The following PDCD5 variants were observed in gnomAD, a reference collection of about 807,000 sequenced individuals.
The protein encoded by PDCD5 is programmed cell death protein 5.
In PDCD5, 23 loss-of-function variants were observed where a neutral mutation model predicts 21.9. The ratio of observed to expected loss-of-function variants is 1.05; its 90% confidence interval spans 0.76 to 1.49. PDCD5 has a LOEUF of 1.49. PDCD5 is among the 40% of genes most tolerant of loss of function. The pLI is 0.00. For synonymous variants in PDCD5, 45 were observed against 49.4 expected (o/e 0.91, Z 0.37); for missense variants, 152 against 147.7 (o/e 1.03, Z -0.15).
chr19:32,583,784 T>C (rs1971452006), intron 2 of PDCD5, among the ~76,000 whole-genome samples: 1 of 152,080 alleles, frequency 6.6e-6, no homozygotes, highest in Non-Finnish European at 1.5e-5. Context: ...TGCAGTGAGC[T>C]GTGATTGCAC....
chr19:32,581,761 C>A (rs999122683), intron 1 of PDCD5: 2 of 211,586 alleles, frequency 9.5e-6, no homozygotes, highest in African/African-American at 2.3e-5. Context: ...GGAACGCTTG[C>A]CCCGCCGGGA....
At chr19:32,585,335 G>A (rs1015837489) in intron 3 of PDCD5, among the ~76,000 whole-genome samples, 4 of 151,864 alleles carry the variant, frequency 2.6e-5, no homozygotes, top group Non-Finnish European at 4.4e-5. Flanking sequence ...GGGGGACTTA[G>A]GGGCTTTTTA....
intron 1 of PDCD5, chr19:32,581,704 T>G (rs1971427918): frequency 4.7e-6 from 1 of 211,038 alleles, no homozygotes; most frequent in East Asian, 1.2e-4. Flanking sequence ...CCGACAGGTA[T>G]TGAGGGTCCG....
In PDCD5 at chr19:32,581,287, T is replaced by A; in HGVS notation, c.26T>A (p.Leu9Gln). MADEELEA[L>Q]RRQRLAELQA... is the part of the protein sequence containing the mutation. ...ATGGCGGACGAGGAGCTTGAGGCGC[T>A]GAGGAGACAGAGGCTGGCCGAGCTG... The change falls in exon 1 of 6, where the codon CTG becomes CAG. Residue 9 changes from leucine (L) to glutamine (Q), a missense_variant. Coordinates refer to ENST00000590247, the MANE Select transcript of PDCD5 (RefSeq NM_004708.4). 1 of 1,531,036 alleles carries A rather than the reference T, an allele frequency of 6.5e-7. No homozygotes were observed. The highest frequency in any genetic ancestry group is 2.0e-5 in the Admixed American group (1 of 50,488). The allele number at this position is 1,531,036 out of a possible 1,614,324, so 94.8% of individuals were successfully genotyped here.
intron 1 of PDCD5, 58 bp downstream of exon 1, chr19:32,581,385 G>C (rs1339597391): frequency 8.0e-7 from 1 of 1,245,552 alleles, no homozygotes; most frequent in Non-Finnish European, 1.1e-6. Flanking sequence ...CTCGCCCGGA[G>C]TGTAGGGCGC....
intron 2 of PDCD5, 150 bp from the exon 3 acceptor site, chr19:32,584,800 T>A (rs981189560): frequency 1.5e-6 from 1 of 669,194 alleles, no homozygotes; most frequent in Admixed American, 2.4e-5. Context: ...TGAATGTAGC[T>A]GCAGCCTTAT....
intron 5 of PDCD5, 32 bp downstream of exon 5, chr19:32,586,961 A>T: frequency 6.7e-7 from 1 of 1,486,890 alleles, no homozygotes; most frequent in South Asian, 1.2e-5. Flanking sequence ...TGGCAAATGA[A>T]AAGATGGATA....
At chr19:32,581,911 T>G (rs1261297724) in intron 1 of PDCD5, among the ~76,000 whole-genome samples, 1 of 152,188 alleles carries the variant, frequency 6.6e-6, no homozygotes, top group African/African-American at 2.4e-5. Flanking sequence ...CGTTTTATTT[T>G]CCAGAAATTA....
Position 32,586,842 on chromosome 19 carries a change from T to C in PDCD5, c.259-16T>C. On this transcript the variant is annotated splice_polypyrimidine_tract_variant and intron_variant, in intron 4 of 5. Coordinates refer to ENST00000590247, the MANE Select transcript of PDCD5 (RefSeq NM_004708.4). ...TAAAAAAGTACTGTTTTTCTTATCT[T>C]TTCTGGTTCTCCTAGGTATCAGAAC... 1 of 1,595,562 alleles carries C rather than the reference T, an allele frequency of 6.3e-7. No homozygotes were observed. The highest frequency in any genetic ancestry group is 8.5e-7 in the Non-Finnish European group (1 of 1,175,060).
intron 4 of PDCD5, chr19:32,586,424 G>A (rs992666157): frequency 1.8e-5 from 20 of 1,132,938 alleles, no homozygotes; most frequent in Non-Finnish European, 2.2e-5. Context: ...CTCACACTGA[G>A]AACTGCTTGT....
intron 1 of PDCD5, chr19:32,581,543 G>A (rs894588156): frequency 8.1e-6 from 3 of 368,612 alleles, no homozygotes; most frequent in African/African-American, 4.2e-5. Context: ...GCCACGTGCG[G>A]GACCTGCCCT....
intron 4 of PDCD5, 71 bp downstream of exon 4, chr19:32,585,978 T>A: frequency 6.2e-7 from 1 of 1,613,622 alleles, no homozygotes; most frequent in Non-Finnish European, 8.5e-7. Flanking sequence ...AAAGGTCAGC[T>A]GCATCTTCAC....
chr19:32,582,219 G>A lies in PDCD5; in HGVS notation c.91G>A (p.Glu31Lys), dbSNP rs577624999. 2 of 1,613,354 alleles carry A rather than the reference G, an allele frequency of 1.2e-6. No individual in the cohort carries two copies. The highest frequency in any genetic ancestry group is 1.7e-6 in the Non-Finnish European group (2 of 1,179,434). The change falls in exon 2 of 6, where the codon GAA becomes AAA. Residue 31 changes from glutamate (E) to lysine (K), a missense_variant. Physicochemically the swap from Glu to Lys is moderately conservative, Grantham distance 56. Transcript: ENST00000590247. The part of the protein sequence containing the change: ...HGDPGDAAQQ[E>K]AKHREAEMRN... ...GGATCCTGGTGATGCGGCCCAACAG[G>A]AAGCAAAGCACAGGTATGGGCTGGA...
intron 1 of PDCD5, 142 bp from the exon 2 acceptor site, chr19:32,582,053 T>G: frequency 1.5e-6 from 1 of 681,934 alleles, no homozygotes; most frequent in Non-Finnish European, 2.6e-6. Flanking sequence ...GTTCATTGAT[T>G]TCTGTGAGGC....
Position 32,585,869 on chromosome 19 carries a change from C to T in PDCD5, c.220C>T (p.Leu74Phe). Reference protein sequence around the residue: ...PEKTKAVENYLIQMARYGQLS... With the variant: ...PEKTKAVENYFIQMARYGQLS... Reference sequence around the variant, plus strand: ...AAAAACTAAAGCAGTAGAGAATTACCTTATACAGATGGCAAGATATGGACA... The same window carrying T: ...AAAAACTAAAGCAGTAGAGAATTACTTTATACAGATGGCAAGATATGGACA... The change falls in exon 4 of 6, where the codon CTT (leucine) becomes TTT (phenylalanine). Residue 74 changes from leucine to phenylalanine, a missense_variant. Leu to Phe is a conservative substitution (Grantham distance 22). Coordinates refer to ENST00000590247, the MANE Select transcript of PDCD5 (RefSeq NM_004708.4). 6.2e-7 allele frequency: 1 copy of T among 1,611,972 alleles called. No homozygotes were observed. The highest frequency in any genetic ancestry group is 8.5e-7 in the Non-Finnish European group (1 of 1,178,084).
intron 3 of PDCD5, 111 bp from the exon 4 acceptor site, chr19:32,585,705 T>G: frequency 2.9e-6 from 2 of 696,508 alleles, no homozygotes; most frequent in Non-Finnish European, 5.1e-6. Context: ...TGCCCTACAC[T>G]GAGGGACAAG....
At chr19:32,586,745 C>G in intron 4 of PDCD5, 113 bp from the exon 5 acceptor site, 2 of 1,425,676 alleles carry the variant, frequency 1.4e-6, no homozygotes, top group Non-Finnish European at 1.8e-6. Context: ...CCACTGCTTC[C>G]TTCCTGAGCT....
chr19:32,586,955 A>T (rs754650267), intron 5 of PDCD5, 26 bp downstream of exon 5: 3 of 1,529,142 alleles, frequency 2.0e-6, no homozygotes, highest in Non-Finnish European at 1.8e-6. Context: ...TGCTTGTGGC[A>T]AATGAAAAGA....
Position 32,587,400 on chromosome 19 carries a change from A to C in PDCD5, c.*100A>C, listed in dbSNP as rs968756219. On this transcript the variant is annotated 3_prime_UTR_variant, in exon 6 of 6. Transcript: ENST00000590247. The stretch of plus-strand genomic sequence containing the variant: ...TTTATTGTCTATATGCCTTTTAAAA[A>C]AATAAACTTGTTATGCAAAATAAAA... The C allele has an allele frequency of 2.7e-6, 2 of 738,000 alleles. No homozygotes were observed. The highest frequency in any genetic ancestry group is 4.3e-6 in the Non-Finnish European group (2 of 460,892). 45.7% of individuals were successfully genotyped at this position (738,000 alleles called of 1,614,324 possible).
Sources: gnomAD v4.1 joint callset for allele counts (sites outside exome capture counted in the v4.1 genomes callset) on GRCh38, gnomAD v4.1.1 for gene constraint, MANE v1.5 for transcripts, NCBI Gene and HGNC (gene_info 2026-07-23, HGNC 2026-07-21) for gene names.